RARB: variants seen among roughly 807,000 people sequenced by gnomAD.
RARB encodes the protein retinoic acid receptor beta.
In RARB, 17 loss-of-function variants were observed where a neutral mutation model predicts 51.9. The ratio of observed to expected loss-of-function variants is 0.33; its 90% CI spans 0.22 to 0.49. The LOEUF (loss-of-function observed/expected upper bound fraction) is 0.49. RARB is among the 20% of genes least tolerant of loss of function. RARB has a pLI of 0.99. For synonymous variants in RARB, 215 were observed against 195.4 expected (o/e 1.10, Z -0.84); for missense variants, 369 against 550.8 (o/e 0.67, Z 3.30).
At chr3:25,103,150 G>C (rs1282775859) in intron 3 of RARB, among the ~76,000 whole-genome samples, 1 of 152,176 alleles carries the variant, frequency 6.6e-6, no homozygotes, top group Non-Finnish European at 1.5e-5. Flanking sequence ...CCAGGATCAT[G>C]AGCTTCGTTC....
chr3:25,158,566 G>T (rs1215361637), intron 4 of RARB, among the ~76,000 whole-genome samples: 1 of 152,126 alleles, frequency 6.6e-6, no homozygotes, highest in African/African-American at 2.4e-5. Context: ...AGATATATTT[G>T]CTTTAAAAGA....
intron 3 of RARB, among the ~76,000 whole-genome samples, chr3:25,564,823 C>A (rs907841715): frequency 6.6e-6 from 1 of 152,144 alleles, no homozygotes; most frequent in Admixed American, 6.5e-5. Flanking sequence ...TACCTGAAAG[C>A]AGCTTGTCAA....
chr3:25,461,256 C>A lies in RARB; in HGVS notation c.221C>A (p.Pro74His). The stretch of plus-strand genomic sequence containing the variant: ...CCAAGCCCCCCATCTCCACTTCCTC[C>A]CCCTCGAGTGTACAAACCCTGCTTC... Reference protein sequence around the residue: ...LVPSPPSPLPPPRVYKPCFVC... With the variant: ...LVPSPPSPLPHPRVYKPCFVC... Residue 74 changes from proline to histidine, a missense_variant, in exon 2 of 8, where the codon CCC (proline) becomes CAC (histidine). Physicochemically the swap from Pro to His is moderately conservative, Grantham distance 77 (BLOSUM62 -2). This residue lies in a region of RARB where 99 missense variants were observed against 95.1 expected (regional missense o/e 1.04). Transcript: ENST00000330688. The A allele has an allele frequency of 1.2e-6, 2 of 1,614,078 alleles. No homozygotes were observed. Among genetic ancestry groups the A allele is most frequent in the Non-Finnish European group, 1.7e-6 (2 of 1,179,998 alleles).
intron 5 of RARB, among the ~76,000 whole-genome samples, chr3:25,299,280 T>C (rs1703985922): frequency 6.6e-6 from 1 of 152,104 alleles, no homozygotes; most frequent in Non-Finnish European, 1.5e-5. Context: ...CACTGCAGCC[T>C]CGACATTTTC....
At chr3:25,144,409 C>T (rs998391976) in intron 4 of RARB, among the ~76,000 whole-genome samples, 3 of 152,018 alleles carry the variant, frequency 2.0e-5, no homozygotes, top group Admixed American at 1.3e-4. Flanking sequence ...TGGTGAGGAG[C>T]TACAAGGCAA....
intron 2 of RARB, among the ~76,000 whole-genome samples, chr3:25,005,963 G>T (rs934825281): frequency 6.6e-6 from 1 of 151,984 alleles, no homozygotes; most frequent in Non-Finnish European, 1.5e-5. Context: ...ATATACTCCA[G>T]TTATACTGGT....
At chr3:24,836,087 T>G (rs1444462223) in intron 1 of RARB, among the ~76,000 whole-genome samples, 2 of 152,180 alleles carry the variant, frequency 1.3e-5, no homozygotes, top group Non-Finnish European at 2.9e-5. Flanking sequence ...TAGGTAAGCA[T>G]GGTATAGTTT....
intron 2 of RARB, among the ~76,000 whole-genome samples, chr3:25,487,615 A>G (rs1696535342): frequency 6.6e-6 from 1 of 152,214 alleles, no homozygotes; most frequent in Non-Finnish European, 1.5e-5. Flanking sequence ...GCGGATAAAA[A>G]TTAAAAATTA....
chr3:25,567,909 G>A (rs779187944), intron 3 of RARB, among the ~76,000 whole-genome samples: 13 of 152,072 alleles, frequency 8.5e-5, no homozygotes, highest in African/African-American at 1.4e-4. Context: ...CCATCCTCAC[G>A]GAGAGCCACC....
intron 5 of RARB, among the ~76,000 whole-genome samples, chr3:25,221,616 G>A (rs1271084719): frequency 6.6e-6 from 1 of 150,848 alleles, no homozygotes; most frequent in African/African-American, 2.4e-5. Context: ...CTGTCATTAT[G>A]AAGATACAAC....
rs555415998 is a variant in RARB, at chr3:25,324,522, A to C, written c.179-136671A>C. The C allele has an allele frequency of 1.7e-3, 275 of 160,030 alleles. 3 individuals are homozygous for C. The highest frequency in any genetic ancestry group is 1.8e-3 in the Non-Finnish European group (129 of 69,844). The allele number at this position is 160,030 out of a possible 1,614,324, so 9.9% of individuals were successfully genotyped here. Reference sequence around the variant, plus strand: ...GAGCAAAATGATCTATGCCAACTCCAAGGACACTATCAAGAAGAAGCTGAC... The same window carrying C: ...GAGCAAAATGATCTATGCCAACTCCCAGGACACTATCAAGAAGAAGCTGAC... On this transcript the variant is annotated intron_variant, in intron 5 of 11. Coordinates refer to the RARB transcript ENST00000383772.
chr3:25,059,458 A>G (rs1698504850), intron 2 of RARB, among the ~76,000 whole-genome samples: 1 of 151,814 alleles, frequency 6.6e-6, no homozygotes, highest in Non-Finnish European at 1.5e-5. Context: ...TTTACTTGGT[A>G]CTTGTTTTTA....
At chr3:25,299,892 T>C (rs951834927) in intron 5 of RARB, among the ~76,000 whole-genome samples, 2 of 152,228 alleles carry the variant, frequency 1.3e-5, no homozygotes, top group Non-Finnish European at 2.9e-5. Flanking sequence ...TGTGGAAAAG[T>C]CAAATAATTG....
intron 5 of RARB, among the ~76,000 whole-genome samples, chr3:25,328,897 G>A (rs1230011257): frequency 6.6e-6 from 1 of 152,162 alleles, no homozygotes; most frequent in African/African-American, 2.4e-5. Context: ...GGCTCGGAGG[G>A]TCCCACACCC....
At chr3:25,062,857 C>A (rs1575142219) in intron 3 of RARB, among the ~76,000 whole-genome samples, 1 of 151,754 alleles carries the variant, frequency 6.6e-6, no homozygotes, top group Non-Finnish European at 1.5e-5. Context: ...GTGACAGTTG[C>A]AAAATTCTGT....
chr3:24,917,896 CAAAG>C (rs1695139318), intron 2 of RARB, among the ~76,000 whole-genome samples: 2 of 152,304 alleles, frequency 1.3e-5, no homozygotes, highest in South Asian at 4.1e-4. Context: ...AGTAAAGAGA[CAAAG>C]TAAGTACTGG....
intron 2 of RARB, among the ~76,000 whole-genome samples, chr3:24,924,455 A>G (rs565030350): frequency 6.6e-6 from 1 of 152,302 alleles, no homozygotes; most frequent in African/African-American, 2.4e-5. Flanking sequence ...GGTAGCCACT[A>G]GCTAGATATG....
At chr3:25,376,019 T>C (rs894788133) in intron 5 of RARB, among the ~76,000 whole-genome samples, 2 of 152,220 alleles carry the variant, frequency 1.3e-5, no homozygotes, top group African/African-American at 4.8e-5. Context: ...AATGAGCTAA[T>C]ACACGTAGAG....
chr3:25,414,823 A>C (rs761119566), intron 5 of RARB, among the ~76,000 whole-genome samples: 1 of 152,168 alleles, frequency 6.6e-6, no homozygotes, highest in Non-Finnish European at 1.5e-5. Context: ...TCTAGTTACA[A>C]ATCCATTATC....
Sources: allele counts gnomAD v4.1 joint callset (sites outside exome capture counted in the v4.1 genomes callset), GRCh38; gene constraint gnomAD v4.1.1; regional missense constraint gnomAD v4.1.1; transcripts MANE v1.5; gene names NCBI Gene and HGNC (gene_info 2026-07-23, HGNC 2026-07-21).